The following REDIC1 variants were observed in gnomAD, a reference collection of about 807,000 sequenced individuals.
REDIC1 encodes regulator of DNA class I crossover intermediates 1.
At chr12:39,683,226 A>ACG in the REDIC1 span, 1 of 1,310,008 alleles carries the variant, frequency 7.6e-7, no homozygotes, top group Middle Eastern at 2.4e-4. Flanking sequence ...ATACACACAC[A>ACG]TCTATATATT....
At chr12:39,723,300 T>C in the REDIC1 span, among the ~76,000 whole-genome samples, 2 of 152,112 alleles carry the variant, frequency 1.3e-5, no homozygotes, top group African/African-American at 4.8e-5. Context: ...AATTACCAAA[T>C]CTGAGGGTGG....
At chr12:39,780,445 G>A in the REDIC1 span, among the ~76,000 whole-genome samples, 2,251 of 152,240 alleles carry the variant, frequency 0.015, 56 homozygotes, top group African/African-American at 0.049. Flanking sequence ...AGTGAAGTAA[G>A]CCACTGAAAT....
At chr12:39,694,135 C>T in the REDIC1 span, among the ~76,000 whole-genome samples, 1 of 152,076 alleles carries the variant, frequency 6.6e-6, no homozygotes, top group African/African-American at 2.4e-5. Context: ...TGGGTTTTGG[C>T]ATTTTTTTTC....
chr12:39,719,732 C>T, the REDIC1 span, among the ~76,000 whole-genome samples: 1 of 152,036 alleles, frequency 6.6e-6, no homozygotes, highest in Non-Finnish European at 1.5e-5. Context: ...ACTAAAGAAG[C>T]ATGTTTAGAT....
At chr12:39,626,332 G>A in the REDIC1 span, 1 of 1,614,146 alleles carries the variant, frequency 6.2e-7, no homozygotes, top group Non-Finnish European at 8.5e-7. Flanking sequence ...AAAAGATTTG[G>A]GAAGATGAAT....
At chr12:39,713,305 C>CACAT in the REDIC1 span, among the ~76,000 whole-genome samples, 3 of 18,702 alleles carry the variant, frequency 1.6e-4, no homozygotes, top group Admixed American at 6.5e-4. Flanking sequence ...TGTACACACA[C>CACAT]ATACGTGTAT....
At chr12:39,725,038 A>G in the REDIC1 span, among the ~76,000 whole-genome samples, 1 of 152,110 alleles carries the variant, frequency 6.6e-6, no homozygotes, top group African/African-American at 2.4e-5. Context: ...GTGGGATTAA[A>G]AAAAATGAAA....
the REDIC1 span, among the ~76,000 whole-genome samples, chr12:39,883,938 AAAACGTT>A: frequency 5.3e-4 from 80 of 152,308 alleles, no homozygotes; most frequent in East Asian, 0.014. Flanking sequence ...CAAATCCATC[AAAACGTT>A]TAGACAGACT....
the REDIC1 span, among the ~76,000 whole-genome samples, chr12:39,873,979 G>C: frequency 1.3e-5 from 2 of 152,280 alleles, no homozygotes; most frequent in South Asian, 4.1e-4. Flanking sequence ...GAATTACTAA[G>C]ATCCCACAGA....
At chr12:39,799,367 TC>T in the REDIC1 span, among the ~76,000 whole-genome samples, 1 of 150,760 alleles carries the variant, frequency 6.6e-6, no homozygotes, top group African/African-American at 2.4e-5. Flanking sequence ...ACCTCGACCT[TC>T]CAAAGTGCTG....
At chr12:39,760,261 G>C in the REDIC1 span, 1 of 1,595,838 alleles carries the variant, frequency 6.3e-7, no homozygotes, top group Non-Finnish European at 8.6e-7. Flanking sequence ...TCCTGCAACG[G>C]AATATAATAG....
the REDIC1 span, among the ~76,000 whole-genome samples, chr12:39,712,828 T>C: frequency 1.4e-5 from 2 of 142,288 alleles, no homozygotes; most frequent in Non-Finnish European, 3.1e-5. Flanking sequence ...TGTGTGTATG[T>C]ATATACATAT....
the REDIC1 span, chr12:39,692,005 A>G: frequency 1.4e-6 from 2 of 1,479,274 alleles, no homozygotes; most frequent in Non-Finnish European, 1.8e-6. Flanking sequence ...AGTGAATATT[A>G]TTATGTATAC....
chr12:39,681,376 G>T, the REDIC1 span, among the ~76,000 whole-genome samples: 1 of 152,176 alleles, frequency 6.6e-6, no homozygotes, highest in Non-Finnish European at 1.5e-5. Context: ...AGTGTACACT[G>T]CTTGGGTAAT....
chr12:39,718,166 T>C, the REDIC1 span, among the ~76,000 whole-genome samples: 1 of 152,108 alleles, frequency 6.6e-6, no homozygotes, highest in Non-Finnish European at 1.5e-5. Flanking sequence ...AATTTTATGA[T>C]GTTCTCTCTC....
the REDIC1 span, among the ~76,000 whole-genome samples, chr12:39,865,540 A>C: frequency 1.1e-4 from 17 of 152,220 alleles, no homozygotes; most frequent in South Asian, 2.1e-4. Context: ...ATATCACTTA[A>C]AAGAATAATT....
At chr12:39,892,044 G>A in the REDIC1 span, among the ~76,000 whole-genome samples, 1 of 152,148 alleles carries the variant, frequency 6.6e-6, no homozygotes, top group African/African-American at 2.4e-5. Flanking sequence ...AAGAAGAGAA[G>A]ATCTATTAGG....
At chr12:39,711,371 A>C in the REDIC1 span, among the ~76,000 whole-genome samples, 2 of 143,404 alleles carry the variant, frequency 1.4e-5, no homozygotes, top group Non-Finnish European at 1.6e-5. Context: ...ATATATACAC[A>C]TATACATATA....
the REDIC1 span, among the ~76,000 whole-genome samples, chr12:39,727,164 A>T: frequency 1.3e-5 from 2 of 151,998 alleles, no homozygotes; most frequent in African/African-American, 4.8e-5. Flanking sequence ...ATTAGATCCC[A>T]TTTGTCAATT....
Sources: gnomAD v4.1 joint callset for allele counts (sites outside exome capture counted in the v4.1 genomes callset) on GRCh38, gnomAD v4.1.1 for gene constraint, MANE v1.5 for transcripts, NCBI Gene and HGNC (gene_info 2026-07-23, HGNC 2026-07-21) for gene names.